Variants in XRCC4 observed in about 807,000 individuals in gnomAD.
The protein encoded by XRCC4 is X-ray repair cross complementing 4.
Under a neutral mutation model 39.1 loss-of-function variants are expected in XRCC4, and 28 were observed. The ratio of observed to expected loss-of-function variants is 0.72; its 90% CI spans 0.53 to 0.98. The LOEUF is 0.98. Ranked by LOEUF, XRCC4 falls within the 50% of genes least tolerant of loss-of-function variation. The pLI is 0.00. For synonymous variants in XRCC4, 123 were observed against 126.4 expected, an observed-to-expected ratio of 0.97 and a Z score of 0.18; for missense variants, 350 against 376.4, an observed-to-expected ratio of 0.93 and a Z score of 0.58.
At chr5:83,208,902 G>A (rs1751523440) in intron 6 of XRCC4, among the ~76,000 whole-genome samples, 1 of 151,938 alleles carries the variant, frequency 6.6e-6, no homozygotes, top group Non-Finnish European at 1.5e-5. Context: ...GATTTTATAG[G>A]TATTTCACTT....
intron 7 of XRCC4, among the ~76,000 whole-genome samples, chr5:83,278,553 A>G (rs998316091): frequency 6.6e-6 from 1 of 152,180 alleles, no homozygotes; most frequent in East Asian, 1.9e-4. Context: ...GACAAATGCT[A>G]TGTCTTCCCA....
At chr5:83,315,662 C>T (rs1273004733) in intron 7 of XRCC4, among the ~76,000 whole-genome samples, 1 of 152,184 alleles carries the variant, frequency 6.6e-6, no homozygotes, top group East Asian at 1.9e-4. Flanking sequence ...AGAAATGGAA[C>T]AACAAAGACT....
At chr5:83,368,541 G>A in the XRCC4 span, among the ~76,000 whole-genome samples, 2 of 152,104 alleles carry the variant, frequency 1.3e-5, no homozygotes, top group African/African-American at 2.4e-5. Flanking sequence ...TTGTAAACTG[G>A]GTTAAATCAC....
the XRCC4 span, among the ~76,000 whole-genome samples, chr5:83,373,783 C>T: frequency 3.3e-5 from 5 of 152,072 alleles, no homozygotes; most frequent in Non-Finnish European, 7.3e-5. Flanking sequence ...AGTATTTACC[C>T]AAACTTTAAA....
At chr5:83,252,400 A>G (rs1753355486) in intron 6 of XRCC4, among the ~76,000 whole-genome samples, 2 of 152,168 alleles carry the variant, frequency 1.3e-5, no homozygotes, top group South Asian at 4.1e-4. Context: ...TGTGTTCATA[A>G]TAGATGGTGG....
At chr5:83,276,713 C>T (rs1263128400) in intron 7 of XRCC4, among the ~76,000 whole-genome samples, 1 of 151,992 alleles carries the variant, frequency 6.6e-6, no homozygotes, top group Non-Finnish European at 1.5e-5. Context: ...ATTTAATATA[C>T]CTAACCTAGT....
downstream of XRCC4, among the ~76,000 whole-genome samples, chr5:83,357,040 A>T (rs956567853): frequency 6.6e-6 from 1 of 152,230 alleles, no homozygotes; most frequent in Non-Finnish European, 1.5e-5. Flanking sequence ...TGTAAAATAC[A>T]GGACCCTGTG....
downstream of XRCC4, among the ~76,000 whole-genome samples, chr5:83,354,342 C>A (rs890266293): frequency 6.6e-6 from 1 of 152,168 alleles, no homozygotes; most frequent in South Asian, 2.1e-4. Context: ...AATTATCAGC[C>A]GTCTTCTCTT....
At chr5:83,322,647 G>C (rs183405596) in intron 7 of XRCC4, among the ~76,000 whole-genome samples, 25 of 152,268 alleles carry the variant, frequency 1.6e-4, no homozygotes, top group Non-Finnish European at 5.9e-5. Flanking sequence ...CAATTACATA[G>C]ATCTTTATAA....
chr5:83,098,402 T>C (rs538846814), intron 1 of XRCC4, among the ~76,000 whole-genome samples: 1 of 152,228 alleles, frequency 6.6e-6, no homozygotes, highest in Admixed American at 6.5e-5. Context: ...TTTCTAGGTC[T>C]TGGGACTTTG....
downstream of XRCC4, among the ~76,000 whole-genome samples, chr5:83,355,799 G>A (rs1757183557): frequency 6.6e-6 from 1 of 152,034 alleles, no homozygotes; most frequent in East Asian, 1.9e-4. Context: ...ACCACACCCG[G>A]CTAATTTTTT....
chr5:83,223,294 A>C lies in XRCC4; in HGVS notation c.745+18373A>C, dbSNP rs181949338. Reference sequence around the variant, plus strand: ...CCCTATTATTATCATATTGTCATCTATCCTTTTCAGGATACAGTTCTATTT... The same window carrying C: ...CCCTATTATTATCATATTGTCATCTCTCCTTTTCAGGATACAGTTCTATTT... On this transcript the variant is annotated intron_variant, in intron 6 of 7. Transcript: ENST00000396027. Among the ~76,000 whole-genome samples the C allele has an allele frequency of 1.2e-4, 18 of 152,194 alleles. 1 individual carries two copies. The highest frequency in any genetic ancestry group is 6.5e-5 in the Admixed American group (1 of 15,290).
chr5:83,100,071 T>C (rs1745859416), intron 1 of XRCC4, among the ~76,000 whole-genome samples: 1 of 152,144 alleles, frequency 6.6e-6, no homozygotes, highest in African/African-American at 2.4e-5. Context: ...AATAGTATGG[T>C]ATTAGGAAAT....
chr5:83,300,993 G>C (rs879224014), intron 7 of XRCC4, among the ~76,000 whole-genome samples: 2 of 152,050 alleles, frequency 1.3e-5, no homozygotes, highest in African/African-American at 2.4e-5. Context: ...ATGGGCATTT[G>C]GGTTGGTTCC....
intron 7 of XRCC4, among the ~76,000 whole-genome samples, chr5:83,341,631 G>C (rs777265787): frequency 2.0e-5 from 3 of 151,966 alleles, no homozygotes; most frequent in Admixed American, 6.6e-5. Context: ...ATCCTCTGGA[G>C]TAGAAGTAAG....
intron 3 of XRCC4, among the ~76,000 whole-genome samples, chr5:83,130,286 A>G (rs935160930): frequency 3.3e-5 from 5 of 152,294 alleles, no homozygotes; most frequent in African/African-American, 1.2e-4. Context: ...ATTTGCATAT[A>G]TTGAACCAGC....
chr5:83,362,577 T>C, the XRCC4 span, among the ~76,000 whole-genome samples: 1 of 152,110 alleles, frequency 6.6e-6, no homozygotes, highest in Non-Finnish European at 1.5e-5. Context: ...GAAAAAAGTA[T>C]ATAATAAAAC....
At chr5:83,266,842 A>G (rs1292588934) in intron 7 of XRCC4, among the ~76,000 whole-genome samples, 1 of 152,144 alleles carries the variant, frequency 6.6e-6, no homozygotes, top group Non-Finnish European at 1.5e-5. Flanking sequence ...TATCATTACC[A>G]CCATTATTGA....
intron 7 of XRCC4, among the ~76,000 whole-genome samples, chr5:83,334,549 G>A (rs185672794): frequency 6.6e-6 from 1 of 152,012 alleles, no homozygotes; most frequent in East Asian, 1.9e-4. Context: ...ATGTAGACCT[G>A]TAATTATTGA....
Sources: gnomAD v4.1 joint callset for allele counts (sites outside exome capture counted in the v4.1 genomes callset) on GRCh38, gnomAD v4.1.1 for gene constraint, MANE v1.5 for transcripts, NCBI Gene and HGNC (gene_info 2026-07-23, HGNC 2026-07-21) for gene names.